Variants in DNAJC2 observed in about 807,000 individuals in gnomAD.
DNAJC2 encodes DnaJ heat shock protein family (Hsp40) member C2, also known as dnaJ homolog subfamily C member 2.
In DNAJC2, 32 loss-of-function variants were observed where a neutral mutation model predicts 94.0. The ratio of observed to expected loss-of-function variants is 0.34; its 90% CI spans 0.26 to 0.46. DNAJC2 has a LOEUF of 0.46. Ranked by LOEUF, DNAJC2 falls within the 20% of genes least tolerant of loss-of-function variation. The probability of loss-of-function intolerance (pLI) is 1.00; values close to 1 mark genes in which losing one functional copy is unlikely to be tolerated. For synonymous variants in DNAJC2, 210 were observed against 229.7 expected, an observed-to-expected ratio of 0.91 and a Z score of 0.77; for missense variants, 550 against 719.5, an observed-to-expected ratio of 0.76 and a Z score of 2.69.
intron 5 of DNAJC2, among the ~76,000 whole-genome samples, chr7:103,326,128 A>T (rs567963654): frequency 3.3e-5 from 5 of 151,636 alleles, no homozygotes; most frequent in African/African-American, 1.2e-4. Flanking sequence ...ACAGGCATGC[A>T]CCTCCACGGC....
chr7:103,338,504 T>C (rs1350082903), intron 2 of DNAJC2, among the ~76,000 whole-genome samples: 1 of 151,210 alleles, frequency 6.6e-6, no homozygotes, highest in Non-Finnish European at 1.5e-5. Flanking sequence ...ACCTTGTTGG[T>C]CAGGCTGGTC....
intron 15 of DNAJC2, 53 bp downstream of exon 15, chr7:103,315,711 A>G (rs922397892): frequency 7.3e-6 from 9 of 1,230,502 alleles, no homozygotes; most frequent in African/African-American, 3.0e-5. Flanking sequence ...TGTACGTCCA[A>G]GCAGCACAGA....
At chr7:103,330,003 G>A (rs759011492) in intron 3 of DNAJC2, among the ~76,000 whole-genome samples, 25 of 152,170 alleles carry the variant, frequency 1.6e-4, no homozygotes, top group Non-Finnish European at 2.9e-4. Flanking sequence ...TTAGGTAATA[G>A]CATTAATGCC....
At chr7:103,334,501 T>C (rs1819090643) in intron 3 of DNAJC2, among the ~76,000 whole-genome samples, 1 of 151,312 alleles carries the variant, frequency 6.6e-6, no homozygotes, top group Non-Finnish European at 1.5e-5. Flanking sequence ...ACTTGAACCC[T>C]GGAGATGGAG....
chr7:103,332,138 G>A (rs1819000908), intron 3 of DNAJC2, among the ~76,000 whole-genome samples: 1 of 151,796 alleles, frequency 6.6e-6, no homozygotes, highest in African/African-American at 2.4e-5. Context: ...CCGAGTAGCT[G>A]GGACTACAGG....
At chr7:103,323,365 G>A (rs1396891670) in intron 7 of DNAJC2, among the ~76,000 whole-genome samples, 1 of 152,110 alleles carries the variant, frequency 6.6e-6, no homozygotes, top group African/African-American at 2.4e-5. Flanking sequence ...TTGCTGAACT[G>A]AGCTATCTGA....
At chr7:103,320,089 T>C (rs953102414) in intron 10 of DNAJC2, among the ~76,000 whole-genome samples, 1 of 152,008 alleles carries the variant, frequency 6.6e-6, no homozygotes, top group African/African-American at 2.4e-5. Flanking sequence ...TGTAAATGTT[T>C]TTAACTTTTT....
chr7:103,332,212 A>C (rs550539813), intron 3 of DNAJC2, among the ~76,000 whole-genome samples: 1 of 152,214 alleles, frequency 6.6e-6, no homozygotes, highest in Non-Finnish European at 1.5e-5. Flanking sequence ...TCACCGTGTT[A>C]GCCAGGATGG....
At chr7:103,333,029 C>T (rs1415928631) in intron 3 of DNAJC2, among the ~76,000 whole-genome samples, 2 of 152,204 alleles carry the variant, frequency 1.3e-5, no homozygotes, top group Admixed American at 6.5e-5. Context: ...CTGCATTATA[C>T]TTACTGGGTG....
intron 3 of DNAJC2, among the ~76,000 whole-genome samples, chr7:103,328,227 T>C (rs1395320653): frequency 6.6e-6 from 1 of 152,022 alleles, no homozygotes; most frequent in Non-Finnish European, 1.5e-5. Flanking sequence ...CGGCTTGAAG[T>C]AATTATTTTA....
intron 7 of DNAJC2, among the ~76,000 whole-genome samples, chr7:103,323,076 C>T (rs1486208548): frequency 1.3e-5 from 2 of 151,964 alleles, no homozygotes; most frequent in Admixed American, 1.3e-4. Context: ...ATTACAGGTG[C>T]CTGTCACCAT....
chr7:103,333,739 T>A (rs113048314), intron 3 of DNAJC2, among the ~76,000 whole-genome samples: 2 of 152,338 alleles, frequency 1.3e-5, no homozygotes, highest in African/African-American at 2.4e-5. Flanking sequence ...TTCAAGTAGA[T>A]GTAACTTACA....
chr7:103,322,648 G>T lies in DNAJC2; in HGVS notation c.812-16C>A. 1 of 1,612,998 alleles carries T rather than the reference G, an allele frequency of 6.2e-7. No individual in the cohort carries two copies. Among genetic ancestry groups the T allele is most frequent in the Non-Finnish European group, 8.5e-7 (1 of 1,179,766 alleles). On this transcript the variant is annotated splice_polypyrimidine_tract_variant and intron_variant, in intron 8 of 16. Coordinates refer to ENST00000379263, the MANE Select transcript of DNAJC2 (RefSeq NM_014377.3). ...TATGCATTGTCTAGCAAAAGAAAAA[G>T]TTAATCTCATTTTGAATTTCTAACA...
chr7:103,322,642 GA>G lies in DNAJC2; in HGVS notation c.812-11del. ...CAGCTGTATGCATTGTCTAGCAAAA[GA>G]AAAAGTTAATCTCATTTTGAATTTC... On this transcript the variant is annotated splice_polypyrimidine_tract_variant and intron_variant, in intron 8 of 16. Coordinates refer to ENST00000379263, the MANE Select transcript of DNAJC2 (RefSeq NM_014377.3). The G allele has an allele frequency of 6.2e-7, 1 of 1,612,894 alleles. No homozygotes were observed. Among genetic ancestry groups the G allele is most frequent in the East Asian group, 2.2e-5 (1 of 44,782 alleles).
chr7:103,326,485 A>T, intron 5 of DNAJC2, 58 bp downstream of exon 5: 4 of 1,554,314 alleles, frequency 2.6e-6, no homozygotes, highest in Non-Finnish European at 3.5e-6. Flanking sequence ...AGAAACCTGG[A>T]AGACTACAAT....
In DNAJC2 at chr7:103,344,549, G is replaced by A. The variant is rs1368032998; in HGVS notation, c.64+10C>T. On this transcript the variant is annotated intron_variant, in intron 1 of 16. Transcript: ENST00000379263. ...AGGTGAGAAGGAACCGAGGTTGGGT[G>A]GGCACTTACCAGAGGTCAGAGCGTG... 2 of 1,613,680 alleles carry A rather than the reference G, an allele frequency of 1.2e-6. No individual in the cohort carries two copies. Among genetic ancestry groups the A allele is most frequent in the South Asian group, 1.1e-5 (1 of 91,078 alleles).
chr7:103,334,300 G>A (rs1819083440), intron 3 of DNAJC2, among the ~76,000 whole-genome samples: 1 of 151,414 alleles, frequency 6.6e-6, no homozygotes, highest in Non-Finnish European at 1.5e-5. Context: ...GGTGGCTCAT[G>A]CCTGTAATCC....
intron 5 of DNAJC2, among the ~76,000 whole-genome samples, chr7:103,325,219 G>A (rs1486632958): frequency 3.3e-5 from 5 of 152,150 alleles, no homozygotes; most frequent in South Asian, 2.1e-4. Context: ...CGAGGCCAGC[G>A]GATCACCTGA....
At chr7:103,322,306 A>C (rs1372899010) in intron 9 of DNAJC2, among the ~76,000 whole-genome samples, 1 of 152,204 alleles carries the variant, frequency 6.6e-6, no homozygotes, top group Non-Finnish European at 1.5e-5. Flanking sequence ...TATTAAAGGA[A>C]CTTATGACAC....
Sources: gnomAD v4.1 joint callset for allele counts (sites outside exome capture counted in the v4.1 genomes callset) on GRCh38, gnomAD v4.1.1 for gene constraint, MANE v1.5 for transcripts, NCBI Gene and HGNC (gene_info 2026-07-23, HGNC 2026-07-21) for gene names.